Variants in RMST observed in about 807,000 individuals in gnomAD.
RMST encodes the protein rhabdomyosarcoma 2 associated transcript.
chr12:97,466,219 G>T (rs963028531), intron 5 of RMST, among the ~76,000 whole-genome samples: 1 of 152,148 alleles, frequency 6.6e-6, no homozygotes, highest in Admixed American at 6.6e-5. Flanking sequence ...AGCAGCAAAA[G>T]TTCCATGCTT....
chr12:97,513,036 G>T (rs975146159), intron 10 of RMST, among the ~76,000 whole-genome samples: 1 of 152,202 alleles, frequency 6.6e-6, no homozygotes, highest in Admixed American at 6.5e-5. Flanking sequence ...CTCCAACTGC[G>T]GGGTCCGCCG....
chr12:97,532,238 CTT>C (rs1881695816), intron 11 of RMST, among the ~76,000 whole-genome samples: 1 of 151,862 alleles, frequency 6.6e-6, no homozygotes, highest in Admixed American at 6.6e-5. Flanking sequence ...TTTTGTTTCT[CTT>C]TTGTTTCCTT....
chr12:97,513,650 A>G (rs192850505), intron 10 of RMST, among the ~76,000 whole-genome samples: 1 of 152,350 alleles, frequency 6.6e-6, no homozygotes, highest in Non-Finnish European at 1.5e-5. Flanking sequence ...GCAGTTTCCA[A>G]CTACAGTAAA....
At chr12:97,551,331 TC>T (rs1222809634) in intron 11 of RMST, among the ~76,000 whole-genome samples, 17 of 142,054 alleles carry the variant, frequency 1.2e-4, no homozygotes, top group African/African-American at 4.5e-4. Context: ...AAAAGAATAT[TC>T]CATCTGTCTA....
chr12:97,543,458 G>A (rs1478126107), intron 11 of RMST, among the ~76,000 whole-genome samples: 1 of 151,960 alleles, frequency 6.6e-6, no homozygotes, highest in Non-Finnish European at 1.5e-5. Flanking sequence ...ATACTTTAGT[G>A]TTTGGCACAT....
At chr12:97,526,839 A>G (rs1881159886) in intron 10 of RMST, among the ~76,000 whole-genome samples, 1 of 152,140 alleles carries the variant, frequency 6.6e-6, no homozygotes, top group African/African-American at 2.4e-5. Flanking sequence ...TTCTGTTGCT[A>G]CTTTGGCAAT....
At chr12:97,517,389 T>A (rs1880043655) in intron 10 of RMST, among the ~76,000 whole-genome samples, 2 of 151,886 alleles carry the variant, frequency 1.3e-5, no homozygotes, top group African/African-American at 4.8e-5. Context: ...TACTCATTGT[T>A]AAAAAATCTG....
intron 5 of RMST, among the ~76,000 whole-genome samples, chr12:97,486,574 A>G (rs923313896): frequency 1.3e-5 from 2 of 152,246 alleles, no homozygotes; most frequent in African/African-American, 2.4e-5. Flanking sequence ...TAAAGCTGAT[A>G]ACAAAGCAAT....
At chr12:97,483,022 C>T (rs990910090) in intron 5 of RMST, among the ~76,000 whole-genome samples, 1 of 151,762 alleles carries the variant, frequency 6.6e-6, no homozygotes, top group Non-Finnish European at 1.5e-5. Context: ...GCACGGCTCA[C>T]GGGACAGTCA....
At chr12:97,472,262 A>G (rs1874009786) in intron 5 of RMST, among the ~76,000 whole-genome samples, 2 of 152,112 alleles carry the variant, frequency 1.3e-5, no homozygotes, top group Admixed American at 6.6e-5. Context: ...AGTGGTGAGG[A>G]AGTCATCTAG....
intron 5 of RMST, among the ~76,000 whole-genome samples, chr12:97,476,790 A>T (rs113554970): frequency 3.3e-5 from 5 of 152,328 alleles, no homozygotes; most frequent in African/African-American, 1.2e-4. Flanking sequence ...GGGGTTGAAG[A>T]TCTAAAAAAA....
chr12:97,513,255 G>A (rs1384325543), intron 10 of RMST, among the ~76,000 whole-genome samples: 18 of 152,226 alleles, frequency 1.2e-4, no homozygotes, highest in Non-Finnish European at 2.9e-5. Context: ...AGGAGGTGCC[G>A]AGAGCAAGCG....
chr12:97,515,558 C>G (rs1239385788), intron 10 of RMST, among the ~76,000 whole-genome samples: 1 of 151,902 alleles, frequency 6.6e-6, no homozygotes, highest in Non-Finnish European at 1.5e-5. Flanking sequence ...AGCATTGTAC[C>G]AAACATAGTA....
intron 10 of RMST, among the ~76,000 whole-genome samples, chr12:97,509,473 T>C (rs1879056383): frequency 6.6e-6 from 1 of 152,162 alleles, no homozygotes; most frequent in African/African-American, 2.4e-5. Flanking sequence ...GTAATTAGCA[T>C]AAAAAGAACC....
intron 10 of RMST, among the ~76,000 whole-genome samples, chr12:97,514,398 T>C (rs1879720670): frequency 6.6e-6 from 1 of 152,254 alleles, no homozygotes; most frequent in Non-Finnish European, 1.5e-5. Flanking sequence ...AAATGTTTTC[T>C]GAGCATATGG....
At chr12:97,481,217 G>C (rs1440982951) in intron 5 of RMST, among the ~76,000 whole-genome samples, 2 of 151,942 alleles carry the variant, frequency 1.3e-5, no homozygotes, top group East Asian at 1.9e-4. Context: ...ACAAGTATCT[G>C]TCCTCTTCTC....
At chr12:97,557,725 T>C (rs534143994) in intron 11 of RMST, among the ~76,000 whole-genome samples, 1 of 152,256 alleles carries the variant, frequency 6.6e-6, no homozygotes, top group East Asian at 1.9e-4. Context: ...GTTGTTTTGC[T>C]TTGCTGGGTG....
At chr12:97,511,730 T>G (rs143234601) in intron 10 of RMST, among the ~76,000 whole-genome samples, 1 of 152,152 alleles carries the variant, frequency 6.6e-6, no homozygotes, top group Non-Finnish European at 1.5e-5. Flanking sequence ...GCATTAAAAA[T>G]GGAATGATTG....
At chr12:97,523,784 A>T (rs1592735919) in intron 10 of RMST, among the ~76,000 whole-genome samples, 1 of 152,162 alleles carries the variant, frequency 6.6e-6, no homozygotes, top group Non-Finnish European at 1.5e-5. Flanking sequence ...GAAGATAAGA[A>T]TTCACATAAC....
Sources: gnomAD v4.1 joint callset for allele counts (sites outside exome capture counted in the v4.1 genomes callset) on GRCh38, gnomAD v4.1.1 for gene constraint, MANE v1.5 for transcripts, NCBI Gene and HGNC (gene_info 2026-07-23, HGNC 2026-07-21) for gene names.